Variants in CCBE1 observed in about 807,000 individuals in gnomAD.
The protein encoded by CCBE1 is collagen and calcium-binding EGF domain-containing protein 1.
Under a neutral mutation model 50.0 loss-of-function variants are expected in CCBE1, and 37 were observed. The observed-to-expected ratio is 0.74, with a 90% CI of 0.57 to 0.97. The LOEUF (loss-of-function observed/expected upper bound fraction) is 0.97. Among genes scored for constraint, CCBE1 ranks in the 50% least tolerant of loss-of-function variants. CCBE1 has a pLI of 0.00. For synonymous variants in CCBE1, 234 were observed against 203.7 expected, an observed-to-expected ratio of 1.15 and a Z score of -1.27; for missense variants, 538 against 523.8, an observed-to-expected ratio of 1.03 and a Z score of -0.26.
At chr18:59,548,589 G>A (rs1324907772) in intron 2 of CCBE1, among the ~76,000 whole-genome samples, 1 of 152,140 alleles carries the variant, frequency 6.6e-6, no homozygotes, top group Non-Finnish European at 1.5e-5. Context: ...CTGCTGTCAT[G>A]CAAATGAAAT....
chr18:59,520,105 A>G (rs34470584), intron 2 of CCBE1, among the ~76,000 whole-genome samples: 1 of 152,132 alleles, frequency 6.6e-6, no homozygotes, highest in Non-Finnish European at 1.5e-5. Context: ...GTCAGGCAGC[A>G]TGATGCCTCC....
chr18:59,455,315 A>C, intron 5 of CCBE1: 1 of 367,608 alleles, frequency 2.7e-6, no homozygotes, highest in South Asian at 2.1e-5. Context: ...TTAAAGGGCT[A>C]ATGTTCACAC....
intron 5 of CCBE1, chr18:59,459,115 T>TTA (rs1467488149): frequency 6.6e-6 from 1 of 152,236 alleles, no homozygotes; most frequent in African/African-American, 2.4e-5. Flanking sequence ...AGTGCCCAGC[T>TTA]TATGTTAAGA....
intron 2 of CCBE1, among the ~76,000 whole-genome samples, chr18:59,567,531 T>G (rs2052848317): frequency 6.6e-6 from 1 of 152,208 alleles, no homozygotes; most frequent in African/African-American, 2.4e-5. Context: ...GGGAAGCAAA[T>G]GATTGCAGTC....
intron 3 of CCBE1, among the ~76,000 whole-genome samples, chr18:59,470,536 G>A (rs1911981763): frequency 6.6e-6 from 1 of 152,132 alleles, no homozygotes; most frequent in African/African-American, 2.4e-5. Flanking sequence ...TGCTGAGAAG[G>A]GGTTGGGTGA....
chr18:59,441,435 G>C (rs542708428), intron 7 of CCBE1, among the ~76,000 whole-genome samples: 65 of 149,556 alleles, frequency 4.3e-4, no homozygotes, highest in Middle Eastern at 3.5e-3. Flanking sequence ...AGTGAGCTGA[G>C]ATTGTACCAC....
At chr18:59,480,972 T>C (rs2143773448) in intron 2 of CCBE1, among the ~76,000 whole-genome samples, 1 of 152,328 alleles carries the variant, frequency 6.6e-6, no homozygotes, top group East Asian at 1.9e-4. Flanking sequence ...ACATAACATG[T>C]ACAAATGTGA....
rs1568138846 is a variant in CCBE1, at chr18:59,439,487, C to A, written c.951+56G>T. On this transcript the variant is annotated intron_variant, in intron 9 of 10. Transcript: ENST00000439986. ...CTCAAAAAACAAAAACAAAACAAAA[C>A]AAAAAAATCGAAAGTGAGAGACCTT... 6.2e-6 allele frequency: 10 copies of A among 1,608,212 alleles called. No homozygotes were observed. The East Asian group carries it at 2.0e-4, about 32-fold the overall frequency.
At chr18:59,640,328 T>C (rs75491707) in intron 2 of CCBE1, among the ~76,000 whole-genome samples, 2,311 of 152,168 alleles carry the variant, frequency 0.015, 68 homozygotes, top group African/African-American at 0.05. Flanking sequence ...AATTATGCCA[T>C]ACCCCTACAA....
chr18:59,630,461 C>T (rs1303987106), intron 2 of CCBE1, among the ~76,000 whole-genome samples: 1 of 152,152 alleles, frequency 6.6e-6, no homozygotes, highest in African/African-American at 2.4e-5. Context: ...ATATCTTACA[C>T]TTTTGTGGGT....
intron 2 of CCBE1, among the ~76,000 whole-genome samples, chr18:59,570,186 T>G (rs1281213708): frequency 6.6e-6 from 1 of 152,196 alleles, no homozygotes; most frequent in Non-Finnish European, 1.5e-5. Context: ...AGGGAGTTTC[T>G]GCTAGATCAC....
chr18:59,575,327 C>A (rs924146514), intron 2 of CCBE1, among the ~76,000 whole-genome samples: 2 of 152,324 alleles, frequency 1.3e-5, no homozygotes, highest in East Asian at 3.9e-4. Context: ...AGGAGGCAGA[C>A]TGCACCAGGT....
At chr18:59,615,140 T>C (rs989705960) in intron 2 of CCBE1, among the ~76,000 whole-genome samples, 2 of 152,218 alleles carry the variant, frequency 1.3e-5, no homozygotes, top group African/African-American at 4.8e-5. Context: ...AGACTAACCA[T>C]GGCTGAGCCT....
intron 2 of CCBE1, among the ~76,000 whole-genome samples, chr18:59,636,979 G>A (rs1230076820): frequency 6.6e-6 from 1 of 152,184 alleles, no homozygotes; most frequent in Non-Finnish European, 1.5e-5. Context: ...ATTCTAATGA[G>A]GTTTGTGTGA....
intron 4 of CCBE1, among the ~76,000 whole-genome samples, chr18:59,468,240 C>T (rs936781157): frequency 2.6e-5 from 4 of 152,104 alleles, no homozygotes; most frequent in African/African-American, 9.7e-5. Context: ...ACAAAATTAG[C>T]TGGGTGTAGT....
intron 2 of CCBE1, among the ~76,000 whole-genome samples, chr18:59,484,033 C>T (rs1159386070): frequency 2.6e-5 from 4 of 152,062 alleles, no homozygotes; most frequent in Non-Finnish European, 4.4e-5. Flanking sequence ...AAGAGAAGCC[C>T]ATGAAGATAT....
chr18:59,650,212 A>G (rs998550751), intron 2 of CCBE1, among the ~76,000 whole-genome samples: 5 of 152,026 alleles, frequency 3.3e-5, no homozygotes, highest in Admixed American at 2.6e-4. Context: ...TTTCTTTTAA[A>G]AATAAATAAA....
intron 2 of CCBE1, among the ~76,000 whole-genome samples, chr18:59,689,346 T>G (rs973177510): frequency 6.6e-6 from 1 of 152,252 alleles, no homozygotes; most frequent in Non-Finnish European, 1.5e-5. Context: ...AGAACGGATG[T>G]GGTCCCAGTT....
intron 2 of CCBE1, among the ~76,000 whole-genome samples, chr18:59,609,234 G>T (rs1181901031): frequency 6.6e-6 from 1 of 152,028 alleles, no homozygotes; most frequent in Non-Finnish European, 1.5e-5. Flanking sequence ...CTACTTCCTT[G>T]GCTTCAACCA....
Sources: gnomAD v4.1 joint callset for allele counts (sites outside exome capture counted in the v4.1 genomes callset) on GRCh38, gnomAD v4.1.1 for gene constraint, MANE v1.5 for transcripts, NCBI Gene and HGNC (gene_info 2026-07-23, HGNC 2026-07-21) for gene names.